CRHR1: variants seen among roughly 807,000 people sequenced by gnomAD.
CRHR1 encodes the protein corticotropin releasing hormone receptor 1, also known as corticotropin-releasing hormone receptor 1.
A neutral mutation model predicts 56.0 loss-of-function variants in CRHR1; 28 were observed. The observed-to-expected ratio is 0.50, with a 90% CI of 0.37 to 0.69. The LOEUF (loss-of-function observed/expected upper bound fraction) is 0.69. Among genes scored for constraint, CRHR1 ranks in the 30% least tolerant of loss-of-function variants. The pLI, the probability that CRHR1 is intolerant of heterozygous loss-of-function variation, is 0.00. For missense variants in CRHR1, 376 were observed against 548.0 expected (o/e 0.69, Z 3.13); for synonymous variants, 195 against 216.5 (o/e 0.90, Z 0.87).
At position 45,793,169 on chromosome 17, in the gene CRHR1, C is replaced by T. The variant is rs186020577; in HGVS notation, c.33+8592C>T. Reference sequence around the variant, plus strand: ...TGACTCAACGGCTTATCAAGGGCTACGCGGCAGCGCGGCTTAGTAACATTA... The same window carrying T: ...TGACTCAACGGCTTATCAAGGGCTATGCGGCAGCGCGGCTTAGTAACATTA... On this transcript the variant is annotated intron_variant, in intron 1 of 12. Transcript: ENST00000314537. 1.4e-3 allele frequency among the ~76,000 whole-genome samples: 209 copies of T among 152,376 alleles called. 1 individual carries two copies. Among genetic ancestry groups the T allele is most frequent in the African/African-American group, 4.4e-3 (185 of 41,592 alleles).
At position 45,834,654 on chromosome 17, in the gene CRHR1, CGGT is replaced by C; in HGVS notation, c.1141_1143del (p.Trp381del). 1.9e-6 allele frequency: 3 copies of C among 1,613,112 alleles called. No individual in the cohort carries two copies. The highest frequency in any genetic ancestry group is 1.7e-6 in the Non-Finnish European group (2 of 1,179,754). On this transcript the variant is annotated inframe_deletion, in exon 13 of 13. Transcript: ENST00000314537. ...TTCTGCCATCCGGAAGAGGTGGCAC[CGGT>C]GGCAGGACAAGCACTCGATCCGTGC...
In CRHR1 at chr17:45,834,395, G is replaced by A. The variant is rs958742743; in HGVS notation, c.1108-229G>A. Among the ~76,000 whole-genome samples, 5 of 152,228 alleles carry A rather than the reference G, an allele frequency of 3.3e-5. No homozygotes were observed. The East Asian group carries it at 5.8e-4, about 18-fold the overall frequency. The stretch of plus-strand genomic sequence containing the variant: ...ATGGCAAAGGGCATATGGTGCCTTC[G>A]TGTGGGTTAGAAAAGGGTGCCCCTT... On this transcript the variant is annotated intron_variant, in intron 12 of 12. Coordinates refer to ENST00000314537, the MANE Select transcript of CRHR1 (RefSeq NM_004382.5).
intron 4 of CRHR1, 111 bp from the exon 5 acceptor site, chr17:45,829,104 G>T (rs139920037): frequency 2.6e-6 from 2 of 767,282 alleles, no homozygotes; most frequent in African/African-American, 1.7e-5. Context: ...GGAAGGGGGA[G>T]TGGCCCTTGA....
intron 2 of CRHR1, among the ~76,000 whole-genome samples, chr17:45,808,015 A>C (rs989099985): frequency 6.6e-6 from 1 of 152,064 alleles, no homozygotes; most frequent in African/African-American, 2.4e-5. Context: ...GGGTCCCTGC[A>C]CCTGAGTGTC....
At chr17:45,811,269 C>T (rs2061818582) in intron 2 of CRHR1, among the ~76,000 whole-genome samples, 2 of 152,252 alleles carry the variant, frequency 1.3e-5, no homozygotes, top group South Asian at 4.1e-4. Context: ...CTTCAAAGGG[C>T]TCTTACCTGT....
chr17:45,796,091 C>T (rs1026470128), intron 1 of CRHR1, among the ~76,000 whole-genome samples: 11 of 152,234 alleles, frequency 7.2e-5, no homozygotes, highest in African/African-American at 2.7e-4. Context: ...GACATCTTTT[C>T]TCTGCCGACA....
At chr17:45,800,298 T>C (rs1016369668) in intron 1 of CRHR1, 1 of 152,238 alleles carries the variant, frequency 6.6e-6, no homozygotes, top group Non-Finnish European at 1.5e-5. Flanking sequence ...GAAAAACTCC[T>C]TCCCAAAGCA....
Position 45,811,328 on chromosome 17 carries a change from T to C in CRHR1, c.121+4231T>C, listed in dbSNP as rs181627698. ...CCCTGACCCCGCAGGGTTTCTTCCC[T>C]GGCAGGTGGGAGCCCTCCACACCTC... On this transcript the variant is annotated intron_variant, in intron 2 of 12. Coordinates refer to ENST00000314537, the MANE Select transcript of CRHR1 (RefSeq NM_004382.5). Among the ~76,000 whole-genome samples the C allele has an allele frequency of 5.5e-3, 836 of 152,290 alleles. 13 individuals are homozygous for C. The highest frequency in any genetic ancestry group is 0.02 in the African/African-American group (811 of 41,578).
intron 4 of CRHR1, among the ~76,000 whole-genome samples, chr17:45,822,700 A>G (rs2143139267): frequency 6.6e-6 from 1 of 152,178 alleles, no homozygotes; most frequent in Non-Finnish European, 1.5e-5. Flanking sequence ...AAAATACAAA[A>G]TTAGCCGGGT....
chr17:45,794,806 C>T (rs1177865791), intron 1 of CRHR1, among the ~76,000 whole-genome samples: 3 of 152,200 alleles, frequency 2.0e-5, no homozygotes, highest in African/African-American at 4.8e-5. Context: ...CCCTTGTCCC[C>T]GCACTCATCC....
intron 7 of CRHR1, 110 bp downstream of exon 7, chr17:45,830,680 G>C: frequency 7.1e-7 from 1 of 1,406,762 alleles, no homozygotes; most frequent in South Asian, 1.3e-5. Context: ...AGGTCGGGTT[G>C]GGGCGGTAAG....
chr17:45,828,546 A>G (rs557489809), intron 4 of CRHR1, among the ~76,000 whole-genome samples: 1 of 152,326 alleles, frequency 6.6e-6, no homozygotes, highest in African/African-American at 2.4e-5. Flanking sequence ...TTAAGAAATA[A>G]ACCCGGGGAA....
chr17:45,833,877 C>T, intron 11 of CRHR1, 28 bp downstream of exon 11: 1 of 1,612,708 alleles, frequency 6.2e-7, no homozygotes. Flanking sequence ...CACATCAGCA[C>T]CTCCTTGGGT....
At chr17:45,830,625 T>C in intron 7 of CRHR1, 55 bp downstream of exon 7, 7 of 1,555,346 alleles carry the variant, frequency 4.5e-6, no homozygotes, top group South Asian at 1.2e-5. Flanking sequence ...CGGGCTGCCC[T>C]CTCCTCCAGA....
At chr17:45,793,623 G>T (rs1223572977) in intron 1 of CRHR1, among the ~76,000 whole-genome samples, 1 of 152,232 alleles carries the variant, frequency 6.6e-6, no homozygotes, top group Non-Finnish European at 1.5e-5. Context: ...GCAGCCTGGG[G>T]CGTCTTTTCT....
chr17:45,784,626 G>A lies in CRHR1; in HGVS notation c.33+49G>A. On this transcript the variant is annotated intron_variant, in intron 1 of 12. Coordinates refer to ENST00000314537, the MANE Select transcript of CRHR1 (RefSeq NM_004382.5). The surrounding 1 kb of genome is among the most constrained non-coding windows in gnomAD (Gnocchi z 4.2). ...CGAGCGCTGGCGCCCCCGGCCCCTG[G>A]CGGACGCGGGACGGGGCTGGGCTGT... is the stretch of plus-strand genomic sequence containing the variant. 6.6e-7 allele frequency: 1 copy of A among 1,525,448 alleles called. No individual in the cohort carries two copies. The highest frequency in any genetic ancestry group is 8.8e-7 in the Non-Finnish European group (1 of 1,134,658). The allele number at this position is 1,525,448 out of a possible 1,614,324, so 94.5% of individuals were successfully genotyped here. A position where few individuals can be genotyped will look rare whatever the true frequency, so the allele number is the denominator to read the frequency against.
chr17:45,832,187 G>A (rs1398430286), intron 8 of CRHR1, among the ~76,000 whole-genome samples: 1 of 152,324 alleles, frequency 6.6e-6, no homozygotes, highest in East Asian at 1.9e-4. Flanking sequence ...AGCCAAGATC[G>A]TGCCACTGCA....
intron 2 of CRHR1, among the ~76,000 whole-genome samples, chr17:45,811,403 G>A (rs1439660679): frequency 1.3e-5 from 2 of 152,220 alleles, no homozygotes; most frequent in Non-Finnish European, 2.9e-5. Context: ...CCAGAATGCG[G>A]GCCCCACGCA....
chr17:45,820,477 T>C (rs2062017550), intron 3 of CRHR1, among the ~76,000 whole-genome samples: 1 of 152,120 alleles, frequency 6.6e-6, no homozygotes, highest in African/African-American at 2.4e-5. Context: ...CAGGCATCAA[T>C]TCAGCTCACA....
Sources: gnomAD v4.1 joint callset for allele counts (sites outside exome capture counted in the v4.1 genomes callset) on GRCh38, gnomAD v4.1.1 for gene constraint, Gnocchi (gnomAD v3.1) non-coding constraint, MANE v1.5 for transcripts, NCBI Gene and HGNC (gene_info 2026-07-23, HGNC 2026-07-21) for gene names.